Variants in CEP112 observed in about 807,000 individuals in gnomAD.
CEP112 encodes the protein centrosomal protein 112.
A neutral mutation model predicts 153.0 loss-of-function variants in CEP112; 127 were observed. The ratio of observed to expected loss-of-function variants is 0.83; its 90% confidence interval spans 0.72 to 0.96. The LOEUF (loss-of-function observed/expected upper bound fraction) is 0.96, where lower values mean the gene tolerates loss of function less well. Among genes scored for constraint, CEP112 ranks in the 40% least tolerant of loss-of-function variants. The pLI, the probability that CEP112 is intolerant of heterozygous loss-of-function variation, is 0.00. For missense variants in CEP112, 1,089 were observed against 1,101.2 expected (o/e 0.99, Z 0.16); for synonymous variants, 358 against 374.4 (o/e 0.96, Z 0.51).
intron 21 of CEP112, chr17:65,797,013 C>G (rs2054965498): frequency 6.6e-6 from 1 of 152,002 alleles, no homozygotes; most frequent in African/African-American, 2.4e-5. Flanking sequence ...TGTGATTGTG[C>G]CACTGCACAC....
chr17:65,789,525 G>C (rs1033030063), intron 21 of CEP112, among the ~76,000 whole-genome samples: 72 of 152,212 alleles, frequency 4.7e-4, no homozygotes, highest in African/African-American at 1.6e-3. Context: ...TACCTCTCCA[G>C]CTTCATGTTT....
At chr17:65,858,899 T>C (rs1333167128) in intron 20 of CEP112, among the ~76,000 whole-genome samples, 1 of 152,212 alleles carries the variant, frequency 6.6e-6, no homozygotes, top group African/African-American at 2.4e-5. Context: ...CAGTAAACTA[T>C]CTTCCACTCA....
At chr17:66,002,758 T>C (rs1191055409) in intron 17 of CEP112, among the ~76,000 whole-genome samples, 1 of 152,228 alleles carries the variant, frequency 6.6e-6, no homozygotes, top group Admixed American at 6.5e-5. Flanking sequence ...TTTTCTCTGA[T>C]AGCCTCTCTA....
At chr17:65,717,235 G>T (rs750300013) in intron 23 of CEP112, among the ~76,000 whole-genome samples, 5 of 152,110 alleles carry the variant, frequency 3.3e-5, no homozygotes, top group Non-Finnish European at 7.4e-5. Flanking sequence ...ATTTAAAAAG[G>T]TTCCTTGCCC....
rs113348781 is a variant in CEP112, at chr17:65,723,774, A to G, written c.2607+19294T>C. 4.0e-4 allele frequency among the ~76,000 whole-genome samples: 61 copies of G among 152,324 alleles called. 1 individual carries two copies. Among genetic ancestry groups the G allele is most frequent in the African/African-American group, 1.4e-3 (58 of 41,574 alleles). ...CAAAGGAACAATCTCCCCTTTCATC[A>G]TTATTTACACATAAAAATAATGCAA... On this transcript the variant is annotated intron_variant, in intron 23 of 26. Coordinates refer to ENST00000535342, the MANE Select transcript of CEP112 (RefSeq NM_001199165.4).
At chr17:66,186,024 TTCTCTC>T (rs550194871) in intron 1 of CEP112, among the ~76,000 whole-genome samples, 73 of 146,070 alleles carry the variant, frequency 5.0e-4, no homozygotes, top group African/African-American at 1.6e-3. Context: ...ATCTCTCTCA[TTCTCTC>T]TCTCTCTCTC....
chr17:65,663,250 T>G (rs760333574), intron 24 of CEP112, among the ~76,000 whole-genome samples: 6 of 152,230 alleles, frequency 3.9e-5, no homozygotes, highest in Non-Finnish European at 5.9e-5. Flanking sequence ...CTTTGTCATA[T>G]CCAGTAATCT....
At chr17:65,910,063 T>C (rs1363715743) in intron 19 of CEP112, among the ~76,000 whole-genome samples, 1 of 152,122 alleles carries the variant, frequency 6.6e-6, no homozygotes, top group Non-Finnish European at 1.5e-5. Flanking sequence ...AGGAAGGAGT[T>C]AGAGTTCACA....
chr17:65,746,554 T>A (rs1368040666), intron 22 of CEP112, among the ~76,000 whole-genome samples: 1 of 152,130 alleles, frequency 6.6e-6, no homozygotes, highest in South Asian at 2.1e-4. Context: ...ATAATCAGAT[T>A]AACATGCTTC....
At chr17:65,978,665 T>C (rs1406796987) in intron 17 of CEP112, among the ~76,000 whole-genome samples, 1 of 152,266 alleles carries the variant, frequency 6.6e-6, no homozygotes, top group Non-Finnish European at 1.5e-5. Flanking sequence ...TATTTCACAC[T>C]TCATTGCTAA....
chr17:66,117,574 C>A (rs1361734533), intron 6 of CEP112, among the ~76,000 whole-genome samples: 2 of 152,132 alleles, frequency 1.3e-5, no homozygotes, highest in Non-Finnish European at 2.9e-5. Context: ...GAAAACAGTT[C>A]TGTTGGTGAA....
chr17:66,172,362 G>A (rs1001493435), intron 4 of CEP112, among the ~76,000 whole-genome samples: 1 of 152,076 alleles, frequency 6.6e-6, no homozygotes, highest in Non-Finnish European at 1.5e-5. Context: ...AAACTGCCCT[G>A]GGATATCAGA....
chr17:66,001,400 T>C (rs2064042333), intron 17 of CEP112, among the ~76,000 whole-genome samples: 1 of 152,226 alleles, frequency 6.6e-6, no homozygotes, highest in African/African-American at 2.4e-5. Flanking sequence ...GTAGGTTGTG[T>C]TTCTTTTCAT....
chr17:65,950,094 A>G (rs8067452), intron 18 of CEP112, among the ~76,000 whole-genome samples: 9,834 of 152,196 alleles, frequency 0.065, 466 homozygotes, highest in African/African-American at 0.12. Context: ...ATGATCCTTC[A>G]AAAAGGTTAT....
At chr17:65,836,813 C>T (rs1024736063) in intron 21 of CEP112, among the ~76,000 whole-genome samples, 87 of 151,906 alleles carry the variant, frequency 5.7e-4, no homozygotes, top group Non-Finnish European at 1.0e-3. Context: ...CTCTCCCTCT[C>T]CCCATCCCCT....
chr17:66,167,061 T>C (rs2072005051), intron 4 of CEP112, among the ~76,000 whole-genome samples: 3 of 152,224 alleles, frequency 2.0e-5, no homozygotes, highest in Admixed American at 2.0e-4. Context: ...TCTTTTAAAA[T>C]AGAATTACCA....
intron 4 of CEP112, among the ~76,000 whole-genome samples, chr17:66,172,722 T>C (rs2072297498): frequency 6.6e-6 from 1 of 152,178 alleles, no homozygotes; most frequent in Non-Finnish European, 1.5e-5. Flanking sequence ...ACCCTTCTCT[T>C]ATACACACCT....
chr17:65,650,536 GTGGCCTCACTC>G (rs976404167), intron 24 of CEP112, among the ~76,000 whole-genome samples: 1 of 152,004 alleles, frequency 6.6e-6, no homozygotes, highest in Non-Finnish European at 1.5e-5. Flanking sequence ...CCTGGAGGCT[GTGGCCTCACTC>G]ACCACTTGGG....
At chr17:65,752,609 G>A (rs992627468) in intron 21 of CEP112, among the ~76,000 whole-genome samples, 2 of 152,040 alleles carry the variant, frequency 1.3e-5, no homozygotes, top group African/African-American at 4.8e-5. Context: ...ATAAAATCTG[G>A]GCCATCTGTC....
Sources: allele counts gnomAD v4.1 joint callset (sites outside exome capture counted in the v4.1 genomes callset), GRCh38; gene constraint gnomAD v4.1.1; transcripts MANE v1.5; gene names NCBI Gene and HGNC (gene_info 2026-07-23, HGNC 2026-07-21).